The following MYL4 variants were observed in gnomAD, a reference collection of about 807,000 sequenced individuals.
MYL4 encodes the protein atrial myosin light chain 1.
MYL4 carries 16 observed loss-of-function variants against 21.6 expected under a neutral mutation model. The observed-to-expected ratio is 0.74, with a 90% CI of 0.50 to 1.12. The LOEUF (loss-of-function observed/expected upper bound fraction) is 1.12, where lower values mean the gene tolerates loss of function less well. Among genes scored for constraint, MYL4 ranks in the 50% most tolerant of loss-of-function variants. The pLI, the probability that MYL4 is intolerant of heterozygous loss-of-function variation, is 0.00. For synonymous variants in MYL4, 82 were observed against 95.7 expected (o/e 0.86, Z 0.83); for missense variants, 249 against 252.9 (o/e 0.98, Z 0.11).
At chr17:47,221,578 G>A in intron 3 of MYL4, 104 bp from the exon 4 acceptor site, 1 of 1,351,290 alleles carries the variant, frequency 7.4e-7, no homozygotes, top group South Asian at 1.4e-5. Flanking sequence ...TGCAGCCCAA[G>A]CCCTGGGTGC....
intron 2 of MYL4, among the ~76,000 whole-genome samples, chr17:47,219,083 G>T (rs931813428): frequency 2.2e-4 from 33 of 152,242 alleles, no homozygotes; most frequent in Non-Finnish European, 4.0e-4. Context: ...GAAAATGAGG[G>T]CCCACAGGGG....
intron 1 of MYL4, among the ~76,000 whole-genome samples, chr17:47,203,646 G>A (rs890690722): frequency 6.6e-6 from 1 of 152,080 alleles, no homozygotes; most frequent in Non-Finnish European, 1.5e-5. Flanking sequence ...TGGTCCATCT[G>A]TTGTCATATT....
At chr17:47,212,795 C>A (rs2149043128) in intron 1 of MYL4, among the ~76,000 whole-genome samples, 1 of 152,260 alleles carries the variant, frequency 6.6e-6, no homozygotes, top group Non-Finnish European at 1.5e-5. Context: ...TCTTATTTTC[C>A]TGATTTCTTG....
In MYL4 at chr17:47,211,877, G is replaced by A. The variant is rs952029667; in HGVS notation, c.136-1922G>A. Among the ~76,000 whole-genome samples, 40 of 152,104 alleles carry A rather than the reference G, an allele frequency of 2.6e-4. 1 individual carries two copies. ...AGTGGAGAGGGGATGGGATGGGATG[G>A]GGTGGGGTGGGGTGCATAAGGACCA... is the stretch of plus-strand genomic sequence containing the variant. On this transcript the variant is annotated intron_variant, in intron 1 of 6. Transcript: ENST00000393450.
At chr17:47,212,268 G>A (rs1449419034) in intron 1 of MYL4, among the ~76,000 whole-genome samples, 1 of 152,158 alleles carries the variant, frequency 6.6e-6, no homozygotes, top group Non-Finnish European at 1.5e-5. Flanking sequence ...CTTGGCCATT[G>A]TCATTCACTC....
At position 47,214,469 on chromosome 17, in the gene MYL4, C is replaced by T. The variant is rs575908958; in HGVS notation, c.163+643C>T. On this transcript the variant is annotated intron_variant, in intron 2 of 6. Transcript: ENST00000393450. ...ATTGCAGCGTATCCCTCTGTTTCCT[C>T]CACCAAACGCCTCTAGGACATAAAA... Among the ~76,000 whole-genome samples the T allele has an allele frequency of 1.2e-4, 19 of 152,210 alleles. No individual in the cohort carries two copies. The East Asian group carries it at 3.3e-3, about 26-fold the overall frequency.
chr17:47,222,177 G>T (rs2064861296), intron 4 of MYL4, among the ~76,000 whole-genome samples: 1 of 152,124 alleles, frequency 6.6e-6, no homozygotes, highest in African/African-American at 2.4e-5. Context: ...AAGCTGTAAG[G>T]CAGAGGGGGA....
the MYL4 span, among the ~76,000 whole-genome samples, chr17:47,195,080 C>CA: frequency 1.7e-5 from 2 of 118,632 alleles, no homozygotes; most frequent in African/African-American, 3.3e-5. Context: ...TTTTTTGAGA[C>CA]AGAGTCTCAC....
chr17:47,207,265 A>G (rs1205561276), upstream of MYL4, among the ~76,000 whole-genome samples: 1 of 152,164 alleles, frequency 6.6e-6, no homozygotes, highest in Non-Finnish European at 1.5e-5. Context: ...GAGCGTGTAT[A>G]GGCTACAGGA....
chr17:47,213,663 C>A (rs1361682953), intron 1 of MYL4, 136 bp from the exon 2 acceptor site: 3 of 845,906 alleles, frequency 3.5e-6, no homozygotes, highest in African/African-American at 1.7e-5. Flanking sequence ...GCACAAGTCA[C>A]CTTCCCTGCT....
chr17:47,225,877 G>GT (rs2064883869), downstream of MYL4, among the ~76,000 whole-genome samples: 2 of 87,846 alleles, frequency 2.3e-5, no homozygotes, highest in African/African-American at 8.8e-5. Flanking sequence ...TTTTTTTTTG[G>GT]TTTTTTAACA....
chr17:47,195,112 G>T, the MYL4 span, among the ~76,000 whole-genome samples: 208 of 144,310 alleles, frequency 1.4e-3, no homozygotes, highest in African/African-American at 5.0e-3. Context: ...AGGCTGGAGT[G>T]CAATGGTGCA....
At chr17:47,197,680 G>A (rs1216434366), upstream of MYL4, among the ~76,000 whole-genome samples, 1 of 151,838 alleles carries the variant, frequency 6.6e-6, no homozygotes, top group Admixed American at 6.6e-5. Flanking sequence ...CAATACATGA[G>A]ATTCAGCACT....
intron 1 of MYL4, among the ~76,000 whole-genome samples, chr17:47,211,204 T>C (rs2149042070): frequency 6.6e-6 from 1 of 152,220 alleles, no homozygotes; most frequent in Middle Eastern, 3.4e-3. Flanking sequence ...TTTTCCCTAT[T>C]ATTGTGTTAT....
At position 47,209,496 on chromosome 17, in the gene MYL4, C is replaced by T. The variant is rs1385986458; in HGVS notation, c.74C>T (p.Pro25Leu). Reference sequence around the variant, plus strand: ...CCAGCTCCAGCTCCAGCCCCTGCACCAGCCCCTGCCCCAGCTCCTGAGGCT... The same window carrying T: ...CCAGCTCCAGCTCCAGCCCCTGCACTAGCCCCTGCCCCAGCTCCTGAGGCT... Reference protein sequence around the residue: ...PAPAPAPAPAPAPAPAPEAPK... With the variant: ...PAPAPAPAPALAPAPAPEAPK... The change falls in exon 1 of 7, where the codon CCA becomes CTA. Residue 25 changes from proline to leucine, a missense_variant. Pro to Leu is a moderately conservative substitution (Grantham distance 98, BLOSUM62 -3). Coordinates refer to ENST00000393450, the MANE Select transcript of MYL4 (RefSeq NM_002476.2). 1.9e-6 allele frequency: 3 copies of T among 1,614,268 alleles called. No homozygotes were observed. In the East Asian group the frequency reaches 6.7e-5, roughly 36 times the overall value.
upstream of MYL4, among the ~76,000 whole-genome samples, chr17:47,204,053 C>A (rs957245022): frequency 1.3e-5 from 2 of 152,204 alleles, no homozygotes; most frequent in African/African-American, 4.8e-5. Flanking sequence ...AGTTGGGTTG[C>A]CCCCTTACCT....
chr17:47,225,645 T>C (rs1355735820), downstream of MYL4, among the ~76,000 whole-genome samples: 1 of 152,216 alleles, frequency 6.6e-6, no homozygotes, highest in African/African-American at 2.4e-5. Context: ...CCCTGAATTC[T>C]ACATTGTTTC....
upstream of MYL4, among the ~76,000 whole-genome samples, chr17:47,205,228 G>A (rs937478703): frequency 6.6e-6 from 1 of 152,202 alleles, no homozygotes; most frequent in Admixed American, 6.5e-5. Flanking sequence ...GCATTTGGGT[G>A]AGCCTCAGCA....
the MYL4 span, among the ~76,000 whole-genome samples, chr17:47,192,910 T>C: frequency 1.3e-5 from 2 of 152,186 alleles, no homozygotes; most frequent in African/African-American, 4.8e-5. Context: ...ATTCCAAAAA[T>C]GGAATTGGAA....
Sources: allele counts gnomAD v4.1 joint callset (sites outside exome capture counted in the v4.1 genomes callset), GRCh38; gene constraint gnomAD v4.1.1; transcripts MANE v1.5; gene names NCBI Gene and HGNC (gene_info 2026-07-23, HGNC 2026-07-21).